C6orf132: variants seen among roughly 807,000 people sequenced by gnomAD.
C6orf132 encodes uncharacterized protein C6orf132.
C6orf132 carries 43 observed loss-of-function variants against 65.3 expected under a neutral mutation model. The observed-to-expected ratio is 0.66, with a 90% confidence interval of 0.52 to 0.85. The LOEUF is 0.85. Ranked by LOEUF, C6orf132 falls within the 40% of genes least tolerant of loss-of-function variation. C6orf132 has a pLI of 0.00. For missense variants in C6orf132, 1,488 were observed against 1,548.8 expected (o/e 0.96, Z 0.66); for synonymous variants, 631 against 654.1 (o/e 0.96, Z 0.54).
intron 2 of C6orf132, among the ~76,000 whole-genome samples, chr6:42,116,285 A>G (rs1197743391): frequency 6.6e-6 from 1 of 152,160 alleles, no homozygotes; most frequent in Admixed American, 6.5e-5. Flanking sequence ...CCAATGAGAC[A>G]GGTGCTGTCA....
chr6:42,120,094 C>T (rs991158778), intron 2 of C6orf132, among the ~76,000 whole-genome samples: 3 of 151,444 alleles, frequency 2.0e-5, no homozygotes, highest in Non-Finnish European at 2.9e-5. Flanking sequence ...AACTCCACCT[C>T]GAAAACAAAA....
Position 42,106,313 on chromosome 6 carries a change from G to T in C6orf132, c.1599C>A (p.Gly533=). 1.3e-6 allele frequency: 2 copies of T among 1,536,736 alleles called. No individual in the cohort carries two copies. The highest frequency in any genetic ancestry group is 3.9e-5 in the Admixed American group (2 of 50,984). ...CCTCTGTCTCTGTCAGGCTGCTGCC[G>T]CCAAGACTCTTTTCAGGAACACCTG... ...TPPGVPEKSL[G]GSSLTETEAA... The change falls in exon 4 of 5, where the codon GGC becomes GGA. Residue 533 remains glycine (G), a synonymous_variant. Transcript: ENST00000341865.
rs556142891 is a variant in C6orf132 at position 42,117,923 on chromosome 6, C to CAA, written c.253-7634_253-7633dup. ...TGAGTGACAGAGCAAAACCCTGTCA[C>CAA]AAAAAAAAAAAAAAAAAAAAAAAAA... On this transcript the variant is annotated intron_variant, in intron 2 of 4. Coordinates refer to ENST00000341865, the MANE Select transcript of C6orf132 (RefSeq NM_001164446.3). Among the ~76,000 whole-genome samples, 97 of 62,346 alleles carry CAA rather than the reference C, an allele frequency of 1.6e-3. 10 individuals are homozygous for CAA. The highest frequency in any genetic ancestry group is 2.2e-3 in the Non-Finnish European group (75 of 34,292). The allele number at this position is 62,346 out of a possible 152,430, so 40.9% of individuals were successfully genotyped here. A position where few individuals can be genotyped will look rare whatever the true frequency, so the allele number is the denominator to read the frequency against.
At chr6:42,138,459 T>C (rs926740362) in intron 1 of C6orf132, among the ~76,000 whole-genome samples, 11 of 152,014 alleles carry the variant, frequency 7.2e-5, no homozygotes, top group Non-Finnish European at 1.3e-4. Context: ...GCCTGGCAAA[T>C]TTTTGTATTT....
At chr6:42,121,826 T>C (rs1289135151) in intron 2 of C6orf132, among the ~76,000 whole-genome samples, 1 of 152,152 alleles carries the variant, frequency 6.6e-6, no homozygotes, top group Non-Finnish European at 1.5e-5. Context: ...GGGGCACCAC[T>C]GCAGGCTGTG....
rs574307776 is a variant in C6orf132 at position 42,105,910 on chromosome 6, C to T, written c.2002G>A (p.Gly668Arg). Residue 668 changes from glycine (G) to arginine (R), a missense_variant, in exon 4 of 5, where the codon GGG becomes AGG. Coordinates refer to ENST00000341865, the MANE Select transcript of C6orf132 (RefSeq NM_001164446.3). Reference sequence around the variant, plus strand: ...GTGGCCTTGAGTGGTGTGGCTGGCCCAAGTGTGGCCTTGGGTGGTGTGGCT... The same window carrying T: ...GTGGCCTTGAGTGGTGTGGCTGGCCTAAGTGTGGCCTTGGGTGGTGTGGCT... The part of the protein sequence containing the change: ...WPATPPKATL[G>R]PATPLKATSG... The T allele has an allele frequency of 4.2e-5, 65 of 1,536,826 alleles. No homozygotes were observed. The highest frequency in any genetic ancestry group is 5.4e-5 in the Non-Finnish European group (62 of 1,146,834).
At chr6:42,113,234 T>C (rs974092852) in intron 2 of C6orf132, among the ~76,000 whole-genome samples, 1 of 152,200 alleles carries the variant, frequency 6.6e-6, no homozygotes, top group African/African-American at 2.4e-5. Context: ...TTGAGATCTC[T>C]GATTAATTTC....
chr6:42,125,429 C>T (rs1766748790), intron 2 of C6orf132, among the ~76,000 whole-genome samples: 1 of 152,196 alleles, frequency 6.6e-6, no homozygotes, highest in African/African-American at 2.4e-5. Context: ...ACAGTGAGTG[C>T]TCAGCATACG....
rs1466824645 is a variant in C6orf132, at chr6:42,107,252, G to T, written c.660C>A (p.Pro220=). Residue 220 remains proline, a synonymous_variant, in exon 4 of 5, where the codon CCC becomes CCA. Transcript: ENST00000341865. ...GCGGTGGGGGGGCTAGAAAGGCCAA[G>T]GGTGGGGCAGGGGGAATGAAGTCAG... ...TPPDFIPPAP[P]LAFLAPPPPP... 1.5e-6 allele frequency: 2 copies of T among 1,311,186 alleles called. No individual in the cohort carries two copies. Among genetic ancestry groups the T allele is most frequent in the Admixed American group, 3.0e-5 (1 of 33,332 alleles). 81.2% of individuals were successfully genotyped at this position (1,311,186 alleles called of 1,614,324 possible). A position where few individuals can be genotyped will look rare whatever the true frequency, so the allele number is the denominator to read the frequency against.
In C6orf132 at chr6:42,104,708, G is replaced by A; in HGVS notation, c.3204C>T (p.Val1068=). The A allele has an allele frequency of 6.6e-7, 1 of 1,522,618 alleles. No individual in the cohort carries two copies. Among genetic ancestry groups the A allele is most frequent in the Non-Finnish European group, 8.8e-7 (1 of 1,141,398 alleles). 94.3% of individuals were successfully genotyped at this position (1,522,618 alleles called of 1,614,324 possible). A position where few individuals can be genotyped will look rare whatever the true frequency, so the allele number is the denominator to read the frequency against. The part of the protein sequence containing the change: ...GRSLIKKRLY[V]GEPHRGPGLP... ...GCCCTGGGCCTCGGTGCGGCTCCCC[G>A]ACGTACAGGCGCTTCTTTATGAGCG... Residue 1068 remains valine (V), a synonymous_variant, in exon 4 of 5, where the codon GTC becomes GTT. Coordinates refer to ENST00000341865, the MANE Select transcript of C6orf132 (RefSeq NM_001164446.3). The surrounding 1 kb of genome is among the most constrained non-coding windows in gnomAD (Gnocchi z 4.1).
At chr6:42,142,274 G>T (rs1468563592) in intron 1 of C6orf132, 26 bp downstream of exon 1, 1 of 1,543,538 alleles carries the variant, frequency 6.5e-7, no homozygotes, top group Non-Finnish European at 8.7e-7. Flanking sequence ...CCCCGCCCCA[G>T]CGCCCTCCGT....
chr6:42,128,247 C>A (rs1045986129), intron 2 of C6orf132, among the ~76,000 whole-genome samples: 1 of 152,128 alleles, frequency 6.6e-6, no homozygotes, highest in Non-Finnish European at 1.5e-5. Context: ...TTTGAATATA[C>A]CGGGTTAAGC....
chr6:42,115,923 TTTTTCTTTTTC>T (rs1490735138), intron 2 of C6orf132, among the ~76,000 whole-genome samples: 10 of 138,818 alleles, frequency 7.2e-5, no homozygotes, highest in Non-Finnish European at 1.2e-4. Flanking sequence ...TTCTTTTTTC[TTTTTCTTTTTC>T]TTTTTTTTTT....
At position 42,142,567 on chromosome 6, in the gene C6orf132, C is replaced by T; in HGVS notation, c.-123G>A. ...CCAGGCCATGTCCCCCGCCGTCCTCCCCGCCCGCGCACCGGGCAACAGGTG... is the reference window on the plus strand; with the variant it reads ...CCAGGCCATGTCCCCCGCCGTCCTCTCCGCCCGCGCACCGGGCAACAGGTG... On this transcript the variant is annotated 5_prime_UTR_variant, in exon 1 of 5. Coordinates refer to ENST00000341865, the MANE Select transcript of C6orf132 (RefSeq NM_001164446.3). The T allele has an allele frequency of 1.0e-6, 1 of 954,574 alleles. No individual in the cohort carries two copies. Among genetic ancestry groups the T allele is most frequent in the Middle Eastern group, 3.7e-4 (1 of 2,714 alleles). The allele number at this position is 954,574 out of a possible 1,614,324, so 59.1% of individuals were successfully genotyped here. A position where few individuals can be genotyped will look rare whatever the true frequency, so the allele number is the denominator to read the frequency against.
At chr6:42,123,576 AAAGAAGAAAGAAG>A (rs1320755505) in intron 2 of C6orf132, among the ~76,000 whole-genome samples, 6 of 150,440 alleles carry the variant, frequency 4.0e-5, no homozygotes, top group African/African-American at 1.2e-4. Context: ...GAAGAAGAAG[AAAGAAGAAAGAAG>A]AAGAAGAAAG....
intron 1 of C6orf132, among the ~76,000 whole-genome samples, chr6:42,131,130 C>A (rs1277654419): frequency 6.6e-6 from 1 of 152,198 alleles, no homozygotes; most frequent in Non-Finnish European, 1.5e-5. Context: ...AGGTGATCTA[C>A]CCACCTTGGC....
chr6:42,111,164 C>T (rs1424143769), intron 2 of C6orf132, among the ~76,000 whole-genome samples: 2 of 151,780 alleles, frequency 1.3e-5, no homozygotes, highest in Non-Finnish European at 2.9e-5. Flanking sequence ...TATTCTGTCA[C>T]CTAAGCTGGA....
At chr6:42,131,682 A>G (rs1766855533) in intron 1 of C6orf132, among the ~76,000 whole-genome samples, 1 of 152,194 alleles carries the variant, frequency 6.6e-6, no homozygotes, top group South Asian at 2.1e-4. Context: ...ATGGAGTCGG[A>G]TCTGAACTGT....
At chr6:42,137,838 G>A (rs1240308148) in intron 1 of C6orf132, among the ~76,000 whole-genome samples, 1 of 144,372 alleles carries the variant, frequency 6.9e-6, no homozygotes, top group Non-Finnish European at 1.5e-5. Context: ...GGGGCGGGGC[G>A]GGGCGGGGGA....
Sources: allele counts gnomAD v4.1 joint callset (sites outside exome capture counted in the v4.1 genomes callset), GRCh38; gene constraint gnomAD v4.1.1; non-coding constraint Gnocchi (gnomAD v3.1); transcripts MANE v1.5; gene names NCBI Gene and HGNC (gene_info 2026-07-23, HGNC 2026-07-21).